The following TRAPPC9 variants were observed in gnomAD, a reference collection of about 807,000 sequenced individuals.
TRAPPC9 encodes the protein trafficking protein particle complex subunit 9, also known as IKK2 binding protein.
A neutral mutation model predicts 124.0 loss-of-function variants in TRAPPC9; 83 were observed. The observed-to-expected ratio is 0.67, with a 90% CI of 0.56 to 0.80. The LOEUF (loss-of-function observed/expected upper bound fraction) is 0.80, where lower values mean the gene tolerates loss of function less well. Ranked by LOEUF, TRAPPC9 falls within the 30% of genes least tolerant of loss-of-function variation. TRAPPC9 has a pLI of 0.00. For missense variants in TRAPPC9, 1,302 were observed against 1,508.3 expected, an observed-to-expected ratio of 0.86 and a Z score of 2.27; for synonymous variants, 638 against 617.5, an observed-to-expected ratio of 1.03 and a Z score of -0.49.
chr8:140,450,778 A>T lies in TRAPPC9; in HGVS notation c.584+12T>A. 1 of 1,594,264 alleles carries T rather than the reference A, an allele frequency of 6.3e-7. No individual in the cohort carries two copies. Among genetic ancestry groups the T allele is most frequent in the East Asian group, 2.2e-5 (1 of 44,542 alleles). ...GGGAAGCCAAGGGGCCTGGGTCTCT[A>T]GGTAAGCTTACCTGCTGTCTGTGTC... On this transcript the variant is annotated intron_variant, in intron 2 of 22. Coordinates refer to ENST00000438773, the MANE Select transcript of TRAPPC9 (RefSeq NM_001160372.4).
intron 17 of TRAPPC9, among the ~76,000 whole-genome samples, chr8:140,128,495 G>A (rs1211799459): frequency 6.6e-6 from 1 of 152,236 alleles, no homozygotes; most frequent in East Asian, 1.9e-4. Flanking sequence ...ACAAAGGCTA[G>A]GGTATAAACT....
intron 17 of TRAPPC9, among the ~76,000 whole-genome samples, chr8:140,160,059 T>C (rs1282930644): frequency 6.6e-6 from 1 of 152,228 alleles, no homozygotes; most frequent in African/African-American, 2.4e-5. Context: ...TCATCATCAC[T>C]GCTCATTAGA....
At position 140,351,361 on chromosome 8, in the gene TRAPPC9, G is replaced by A. The variant is rs962890797; in HGVS notation, c.1495+8689C>T. Among the ~76,000 whole-genome samples, 3 of 145,220 alleles carry A rather than the reference G, an allele frequency of 2.1e-5. No individual in the cohort carries two copies. The Admixed American group carries it at 2.2e-4, about 11-fold the overall frequency. On this transcript the variant is annotated intron_variant, in intron 9 of 22. Transcript: ENST00000438773. ...ATTTGGGGGAAAAAATTGCATCTGT[G>A]CTGAACGTGTGTAGTTTTTTTTTTT...
chr8:140,138,741 C>T (rs2061341271), intron 17 of TRAPPC9, among the ~76,000 whole-genome samples: 1 of 152,160 alleles, frequency 6.6e-6, no homozygotes, highest in Non-Finnish European at 1.5e-5. Context: ...CTGCTGTGCT[C>T]GGCCTTCAGA....
intron 16 of TRAPPC9, among the ~76,000 whole-genome samples, chr8:140,245,222 T>C (rs1194689564): frequency 6.6e-6 from 1 of 152,186 alleles, no homozygotes; most frequent in East Asian, 1.9e-4. Context: ...ACGACACAGG[T>C]CCAGAAGCAG....
intron 22 of TRAPPC9, among the ~76,000 whole-genome samples, chr8:139,731,698 G>A (rs1011230462): frequency 3.3e-5 from 5 of 152,152 alleles, no homozygotes; most frequent in African/African-American, 1.2e-4. Flanking sequence ...GTCCAATCAT[G>A]GAGCAGCCCC....
intron 17 of TRAPPC9, among the ~76,000 whole-genome samples, chr8:140,220,615 C>G (rs1036035538): frequency 1.3e-5 from 2 of 152,196 alleles, no homozygotes; most frequent in African/African-American, 4.8e-5. Context: ...ATGACCTCAT[C>G]AGATAGCACC....
At chr8:139,834,793 G>C (rs1826223892) in intron 21 of TRAPPC9, among the ~76,000 whole-genome samples, 1 of 152,194 alleles carries the variant, frequency 6.6e-6, no homozygotes, top group Admixed American at 6.5e-5. Flanking sequence ...AGAGATACAG[G>C]CACTGTCATC....
rs1045451600 is a variant in TRAPPC9 at position 139,831,037 on chromosome 8, G to C, written c.3055+54842C>G. 7.2e-5 allele frequency among the ~76,000 whole-genome samples: 11 copies of C among 152,318 alleles called. No homozygotes were observed. The South Asian group carries it at 1.0e-3, about 14-fold the overall frequency. On this transcript the variant is annotated intron_variant, in intron 21 of 22. Transcript: ENST00000438773. Reference sequence around the variant, plus strand: ...GGCAATCACAGCGACCTTGGGAAGCGGGAGCACTTGCCCCATTTCAGAAAT... The same window carrying C: ...GGCAATCACAGCGACCTTGGGAAGCCGGAGCACTTGCCCCATTTCAGAAAT...
chr8:140,451,551 G>A (rs1387971182), intron 1 of TRAPPC9, among the ~76,000 whole-genome samples, 168 bp from the exon 2 acceptor site: 1 of 152,170 alleles, frequency 6.6e-6, no homozygotes, highest in African/African-American at 2.4e-5. Flanking sequence ...TCGCAGCTCT[G>A]ATCATAATGC....
At chr8:140,421,219 C>A (rs2070191495) in intron 5 of TRAPPC9, among the ~76,000 whole-genome samples, 1 of 152,150 alleles carries the variant, frequency 6.6e-6, no homozygotes, top group African/African-American at 2.4e-5. Flanking sequence ...GCCAAAGCCT[C>A]TGAAAGACGG....
At chr8:139,877,969 C>A (rs1204040253) in intron 21 of TRAPPC9, among the ~76,000 whole-genome samples, 1 of 152,158 alleles carries the variant, frequency 6.6e-6, no homozygotes, top group African/African-American at 2.4e-5. Context: ...CATCATCACA[C>A]AATAAAGTTG....
intron 21 of TRAPPC9, among the ~76,000 whole-genome samples, chr8:139,846,736 G>GCC (rs923456203): frequency 4.6e-5 from 7 of 152,178 alleles, no homozygotes; most frequent in African/African-American, 1.7e-4. Flanking sequence ...CATGGAGGAG[G>GCC]CCCATTCCCA....
intron 15 of TRAPPC9, among the ~76,000 whole-genome samples, chr8:140,263,362 C>T (rs1460791809): frequency 6.6e-6 from 1 of 152,078 alleles, no homozygotes; most frequent in Non-Finnish European, 1.5e-5. Context: ...GGCACAACAC[C>T]TGAAGCACAG....
At chr8:140,360,005 T>C (rs1255107728) in intron 9 of TRAPPC9, 45 bp downstream of exon 9, 2 of 1,612,998 alleles carry the variant, frequency 1.2e-6, no homozygotes, top group East Asian at 4.5e-5. Context: ...AGTGCTCTCA[T>C]TCACAGTTCC....
At chr8:140,023,509 C>T (rs1839938492) in intron 18 of TRAPPC9, among the ~76,000 whole-genome samples, 1 of 152,166 alleles carries the variant, frequency 6.6e-6, no homozygotes, top group African/African-American at 2.4e-5. Context: ...CCACAAAGTG[C>T]CCATCTTATG....
intron 17 of TRAPPC9, among the ~76,000 whole-genome samples, chr8:140,088,459 G>A (rs1002615187): frequency 2.0e-5 from 3 of 152,308 alleles, no homozygotes; most frequent in South Asian, 2.1e-4. Flanking sequence ...CCTCATCTCC[G>A]CTTAAACACA....
At chr8:140,012,849 C>T (rs1391847722) in intron 18 of TRAPPC9, among the ~76,000 whole-genome samples, 3 of 152,218 alleles carry the variant, frequency 2.0e-5, no homozygotes, top group African/African-American at 7.2e-5. Context: ...TGAGGGACTA[C>T]CTCACCTTGC....
intron 21 of TRAPPC9, among the ~76,000 whole-genome samples, chr8:139,799,005 C>T (rs1823285363): frequency 6.6e-6 from 1 of 152,148 alleles, no homozygotes; most frequent in African/African-American, 2.4e-5. Flanking sequence ...CCTACTCTTC[C>T]ATGGGTAAAA....
Sources: allele counts gnomAD v4.1 joint callset (sites outside exome capture counted in the v4.1 genomes callset), GRCh38; gene constraint gnomAD v4.1.1; transcripts MANE v1.5; gene names NCBI Gene and HGNC (gene_info 2026-07-23, HGNC 2026-07-21).